MPPED1: variants seen among roughly 807,000 people sequenced by gnomAD.
MPPED1 encodes the protein metallophosphoesterase domain containing 1.
A neutral mutation model predicts 36.2 loss-of-function variants in MPPED1; 16 were observed. The observed-to-expected ratio is 0.44, with a 90% CI of 0.30 to 0.67. The LOEUF is 0.67. Among genes scored for constraint, MPPED1 ranks in the 30% least tolerant of loss-of-function variants. MPPED1 has a pLI of 0.10. For missense variants in MPPED1, 307 were observed against 453.4 expected, an observed-to-expected ratio of 0.68 and a Z score of 2.93; for synonymous variants, 199 against 191.3, an observed-to-expected ratio of 1.04 and a Z score of -0.33.
At chr22:43,454,144 G>T (rs952554461) in intron 3 of MPPED1, among the ~76,000 whole-genome samples, 1 of 151,962 alleles carries the variant, frequency 6.6e-6, no homozygotes, top group African/African-American at 2.4e-5. Flanking sequence ...AAGTAGCTGG[G>T]ATTACCGGCA....
chr22:43,432,547 G>T (rs1929753392), intron 2 of MPPED1, among the ~76,000 whole-genome samples: 2 of 124,522 alleles, frequency 1.6e-5, no homozygotes, highest in East Asian at 2.7e-4. Flanking sequence ...AGGAGAGAAA[G>T]AAAGGGAGGA....
intron 3 of MPPED1, among the ~76,000 whole-genome samples, chr22:43,463,003 T>A (rs1931007460): frequency 6.6e-6 from 1 of 152,240 alleles, no homozygotes; most frequent in Non-Finnish European, 1.5e-5. Context: ...CTGTCTTAAC[T>A]AATAGTTTAT....
At chr22:43,462,448 G>C (rs1455334949) in intron 3 of MPPED1, among the ~76,000 whole-genome samples, 1 of 152,120 alleles carries the variant, frequency 6.6e-6, no homozygotes, top group Non-Finnish European at 1.5e-5. Context: ...TTTCAATTTA[G>C]ACATTACTTT....
At chr22:43,498,113 C>T in intron 4 of MPPED1, 122 bp from the exon 5 acceptor site, 2 of 684,302 alleles carry the variant, frequency 2.9e-6, no homozygotes, top group Non-Finnish European at 4.8e-6. Flanking sequence ...GGAGACCTTC[C>T]CTGGGTCTCC....
intron 5 of MPPED1, among the ~76,000 whole-genome samples, chr22:43,500,960 G>C (rs1428465204): frequency 6.6e-6 from 1 of 152,054 alleles, no homozygotes; most frequent in Non-Finnish European, 1.5e-5. Flanking sequence ...GGAGGGTGTG[G>C]GGTGAGGCGC....
intron 4 of MPPED1, among the ~76,000 whole-genome samples, chr22:43,496,108 G>A (rs1170689410): frequency 3.1e-5 from 2 of 64,484 alleles, no homozygotes; most frequent in African/African-American, 6.6e-5. Flanking sequence ...TGGTGGAGAT[G>A]GTGGTGGTGG....
intron 3 of MPPED1, among the ~76,000 whole-genome samples, chr22:43,451,550 G>T (rs1930568640): frequency 6.6e-6 from 1 of 152,212 alleles, no homozygotes; most frequent in Admixed American, 6.5e-5. Flanking sequence ...CTAATTCTGG[G>T]CTGGTTTGAC....
intron 1 of MPPED1, among the ~76,000 whole-genome samples, chr22:43,422,517 G>A (rs937880721): frequency 2.0e-5 from 3 of 152,114 alleles, no homozygotes; most frequent in African/African-American, 4.8e-5. Flanking sequence ...AGAAGCCACC[G>A]CAAGGATTTC....
chr22:43,493,622 G>A (rs1034938630), intron 4 of MPPED1, among the ~76,000 whole-genome samples: 16 of 152,210 alleles, frequency 1.1e-4, no homozygotes, highest in African/African-American at 3.4e-4. Context: ...CTGTAAAAGG[G>A]GAATAATGCT....
At chr22:43,470,165 T>C (rs556767188) in intron 3 of MPPED1, among the ~76,000 whole-genome samples, 1 of 151,856 alleles carries the variant, frequency 6.6e-6, no homozygotes, top group African/African-American at 2.4e-5. Flanking sequence ...TATATATCCA[T>C]ACATATATAA....
chr22:43,507,250 C>G lies in MPPED1; in HGVS notation c.*1634C>G, dbSNP rs1325566504. The G allele has an allele frequency of 1.3e-5, 2 of 152,192 alleles. No homozygotes were observed. The highest frequency in any genetic ancestry group is 4.8e-5 in the African/African-American group (2 of 41,442). The allele number at this position is 152,192 out of a possible 1,614,324, so 9.4% of individuals were successfully genotyped here. On this transcript the variant is annotated 3_prime_UTR_variant, in exon 7 of 7. Coordinates refer to ENST00000443721, the MANE Select transcript of MPPED1 (RefSeq NM_001044370.2). Reference sequence around the variant, plus strand: ...ACAAAGCAATGCATGGTCCAAGGCTCTTTTTATTGTATTTTTATTTTTAAG... The same window carrying G: ...ACAAAGCAATGCATGGTCCAAGGCTGTTTTTATTGTATTTTTATTTTTAAG...
At chr22:43,461,878 A>G (rs2146868086) in intron 3 of MPPED1, among the ~76,000 whole-genome samples, 1 of 152,282 alleles carries the variant, frequency 6.6e-6, no homozygotes, top group East Asian at 1.9e-4. Context: ...GCCAAATATT[A>G]ATAATATTGC....
intron 3 of MPPED1, among the ~76,000 whole-genome samples, chr22:43,444,366 T>A (rs1930261971): frequency 5.0e-5 from 2 of 39,808 alleles, no homozygotes; most frequent in African/African-American, 7.7e-5. Flanking sequence ...CTATCTATCT[T>A]TTTTTTTTTT....
intron 3 of MPPED1, among the ~76,000 whole-genome samples, chr22:43,442,369 C>T (rs1041377603): frequency 6.6e-6 from 1 of 151,988 alleles, no homozygotes; most frequent in Non-Finnish European, 1.5e-5. Flanking sequence ...GGGTGCACCT[C>T]GCTCTTCCTC....
intron 1 of MPPED1, among the ~76,000 whole-genome samples, chr22:43,421,415 G>A (rs1022197873): frequency 6.6e-6 from 1 of 152,240 alleles, no homozygotes; most frequent in Non-Finnish European, 1.5e-5. Flanking sequence ...TGCCTTTCCC[G>A]GCTGAGTCCC....
intron 4 of MPPED1, among the ~76,000 whole-genome samples, chr22:43,486,794 G>A (rs1931925769): frequency 6.6e-6 from 1 of 152,010 alleles, no homozygotes; most frequent in Non-Finnish European, 1.5e-5. Context: ...GCAGCAGAGG[G>A]GTGTGAGCAT....
At chr22:43,426,216 G>T (rs1347224185) in intron 2 of MPPED1, among the ~76,000 whole-genome samples, 1 of 152,060 alleles carries the variant, frequency 6.6e-6, no homozygotes, top group East Asian at 1.9e-4. Flanking sequence ...CTCCTTGCTG[G>T]GCCTCCCGCA....
chr22:43,443,917 G>T (rs11913328), intron 3 of MPPED1, among the ~76,000 whole-genome samples: 1 of 152,098 alleles, frequency 6.6e-6, no homozygotes, highest in Non-Finnish European at 1.5e-5. Context: ...TTTTGGTTGC[G>T]TACGCACATG....
intron 3 of MPPED1, among the ~76,000 whole-genome samples, chr22:43,462,402 C>T (rs1930985205): frequency 6.6e-6 from 1 of 152,290 alleles, no homozygotes; most frequent in South Asian, 2.1e-4. Context: ...TCTCTTGTTT[C>T]TCGAAGGAAC....
Sources: allele counts gnomAD v4.1 joint callset (sites outside exome capture counted in the v4.1 genomes callset), GRCh38; gene constraint gnomAD v4.1.1; transcripts MANE v1.5; gene names NCBI Gene and HGNC (gene_info 2026-07-23, HGNC 2026-07-21).